ANO2: variants seen among roughly 807,000 people sequenced by gnomAD.
ANO2 encodes the protein anoctamin-2.
Under a neutral mutation model 124.2 loss-of-function variants are expected in ANO2, and 101 were observed. The observed-to-expected ratio is 0.81, with a 90% confidence interval of 0.69 to 0.96. The LOEUF is 0.96. Among genes scored for constraint, ANO2 ranks in the 40% least tolerant of loss-of-function variants. The pLI is 0.00. For missense variants in ANO2, 1,293 were observed against 1,274.5 expected, an observed-to-expected ratio of 1.01 and a Z score of -0.22; for synonymous variants, 486 against 482.5, an observed-to-expected ratio of 1.01 and a Z score of -0.09.
At chr12:5,868,969 C>G (rs1955502697) in intron 3 of ANO2, among the ~76,000 whole-genome samples, 1 of 152,140 alleles carries the variant, frequency 6.6e-6, no homozygotes, top group African/African-American at 2.4e-5. Flanking sequence ...GCAAGGAACT[C>G]CAACTGTGGG....
At chr12:5,734,421 G>T (rs1950770032) in intron 13 of ANO2, among the ~76,000 whole-genome samples, 1 of 152,160 alleles carries the variant, frequency 6.6e-6, no homozygotes, top group Non-Finnish European at 1.5e-5. Context: ...CCAGAACATG[G>T]GTTCTACATC....
At chr12:5,917,021 C>T (rs953083605) in intron 3 of ANO2, among the ~76,000 whole-genome samples, 7 of 152,106 alleles carry the variant, frequency 4.6e-5, no homozygotes, top group Non-Finnish European at 8.8e-5. Flanking sequence ...GGCTGTGTCA[C>T]CTGGAGTAGC....
At chr12:5,572,286 A>G (rs1414174184) in intron 23 of ANO2, among the ~76,000 whole-genome samples, 1 of 152,062 alleles carries the variant, frequency 6.6e-6, no homozygotes, top group African/African-American at 2.4e-5. Flanking sequence ...CGGAACCTCC[A>G]TCACTACCTG....
chr12:5,644,259 C>G (rs1946525239), intron 15 of ANO2, among the ~76,000 whole-genome samples: 1 of 152,218 alleles, frequency 6.6e-6, no homozygotes, highest in Non-Finnish European at 1.5e-5. Context: ...GTCCCAGAAG[C>G]ACTTACTGAG....
chr12:5,719,340 T>C (rs1478300691), intron 14 of ANO2, among the ~76,000 whole-genome samples: 2 of 152,304 alleles, frequency 1.3e-5, no homozygotes, highest in East Asian at 1.9e-4. Flanking sequence ...GAGCTGCCCA[T>C]AACAGTGACT....
chr12:5,833,473 A>C (rs139998534), intron 4 of ANO2, among the ~76,000 whole-genome samples: 1 of 152,222 alleles, frequency 6.6e-6, no homozygotes, highest in Non-Finnish European at 1.5e-5. Flanking sequence ...TCTGCATTGG[A>C]TCTGTGGATG....
In ANO2 at chr12:5,733,756, C is replaced by T. The variant is rs369047979; in HGVS notation, c.1435-1126G>A. 1.6e-4 allele frequency among the ~76,000 whole-genome samples: 25 copies of T among 152,386 alleles called. 1 individual carries two copies. In the East Asian group the frequency reaches 2.9e-3, roughly 18 times the overall value. ...CCTCACCCATTCTCCGAGGGGACGT[C>T]AGTCCCACCCCTTCCAGGAGGACTT... On this transcript the variant is annotated intron_variant, in intron 13 of 24. Transcript: ENST00000682330.
At chr12:5,891,297 A>G (rs1420546020) in intron 3 of ANO2, among the ~76,000 whole-genome samples, 1 of 152,190 alleles carries the variant, frequency 6.6e-6, no homozygotes, top group Non-Finnish European at 1.5e-5. Context: ...ATTCTTTCAC[A>G]TGCTAGACCA....
At chr12:5,792,219 C>T (rs1283025768) in intron 10 of ANO2, among the ~76,000 whole-genome samples, 1 of 152,200 alleles carries the variant, frequency 6.6e-6, no homozygotes, top group Non-Finnish European at 1.5e-5. Context: ...TCTTAACTCA[C>T]TGCTCCTGGT....
In ANO2 at chr12:5,599,580, C is replaced by T; in HGVS notation, c.2137G>A (p.Glu713Lys). Residue 713 changes from glutamate (E) to lysine (K), a missense_variant, in exon 20 of 25, where the codon GAA becomes AAA. By Grantham distance (56) the Glu-to-Lys change is moderately conservative (BLOSUM62 1). Coordinates refer to ENST00000682330, the MANE Select transcript of ANO2 (RefSeq NM_001364791.2). Reference protein sequence around the residue: ...RKLKDETEAGETDSAHSKHPE... With the variant: ...RKLKDETEAGKTDSAHSKHPE... ...TGTTTCGAATGGGCAGAGTCAGTTT[C>T]TCCAGCTTCGGTCTCATCTTTCAGC... 1 of 1,613,938 alleles carries T rather than the reference C, an allele frequency of 6.2e-7. No individual in the cohort carries two copies. Among genetic ancestry groups the T allele is most frequent in the Non-Finnish European group, 8.5e-7 (1 of 1,179,858 alleles).
chr12:5,710,409 C>T (rs1027190967), intron 14 of ANO2, among the ~76,000 whole-genome samples: 2 of 152,200 alleles, frequency 1.3e-5, no homozygotes, highest in African/African-American at 4.8e-5. Flanking sequence ...ATCCCCCACC[C>T]CCACATTTCC....
chr12:5,595,007 G>A (rs1416791117), intron 20 of ANO2, among the ~76,000 whole-genome samples: 1 of 152,148 alleles, frequency 6.6e-6, no homozygotes, highest in Non-Finnish European at 1.5e-5. Flanking sequence ...CTTACAGCTG[G>A]AAACCTCTTC....
chr12:5,744,344 A>G, intron 11 of ANO2, 27 bp from the exon 12 acceptor site: 2 of 1,613,368 alleles, frequency 1.2e-6, no homozygotes, highest in South Asian at 2.2e-5. Context: ...TTGTTGGGTC[A>G]GGTGGAGCTC....
At chr12:5,880,533 A>G (rs376623303) in intron 3 of ANO2, among the ~76,000 whole-genome samples, 1 of 152,100 alleles carries the variant, frequency 6.6e-6, no homozygotes, top group African/African-American at 2.4e-5. Context: ...AAGCCCATAG[A>G]GGCAGAGGAG....
rs1948275881 is a variant in ANO2, at chr12:5,677,001, C to T, written c.1546-29200G>A. 1.3e-5 allele frequency among the ~76,000 whole-genome samples: 2 copies of T among 151,956 alleles called. 1 individual carries two copies. The highest frequency in any genetic ancestry group is 4.2e-4 in the South Asian group (2 of 4,802). ...CCTGGCAGGTGGAGGTTGCAGTAAG[C>T]CAAGATCATATCACTACACTCCAGC... On this transcript the variant is annotated intron_variant, in intron 14 of 24. Coordinates refer to ENST00000682330, the MANE Select transcript of ANO2 (RefSeq NM_001364791.2).
chr12:5,694,877 GCCCTTAGT>G (rs1326535213), intron 14 of ANO2, among the ~76,000 whole-genome samples: 1 of 152,044 alleles, frequency 6.6e-6, no homozygotes, highest in Admixed American at 6.6e-5. Context: ...CCGTTTGTGA[GCCCTTAGT>G]CCCTAACCTC....
chr12:5,917,867 A>C (rs78615940), intron 3 of ANO2, among the ~76,000 whole-genome samples: 23,066 of 152,080 alleles, frequency 0.15, 1,989 homozygotes, highest in Middle Eastern at 0.2. Context: ...CTGCAACCAG[A>C]CCTGTTATTT....
Position 5,635,364 on chromosome 12 carries a change from A to T in ANO2, c.1621-17T>A. On this transcript the variant is annotated splice_polypyrimidine_tract_variant and intron_variant, in intron 15 of 24. Transcript: ENST00000682330. This position sits in a 1 kb window ranked among gnomAD's most constrained non-coding sequence, Gnocchi z 5.2. ...CAGGGCAATCTGTTTGGGAAAACAG[A>T]GAGAAGTACACATCAGCCGGCAATT... 6.5e-7 allele frequency: 1 copy of T among 1,535,270 alleles called. No individual in the cohort carries two copies. Among genetic ancestry groups the T allele is most frequent in the East Asian group, 2.3e-5 (1 of 43,268 alleles).
At chr12:5,609,341 G>A (rs550499383) in intron 19 of ANO2, among the ~76,000 whole-genome samples, 14 of 152,114 alleles carry the variant, frequency 9.2e-5, no homozygotes, top group African/African-American at 2.6e-4. Context: ...CAATGATCCC[G>A]CCAATCCTCC....
Sources: allele counts gnomAD v4.1 joint callset (sites outside exome capture counted in the v4.1 genomes callset), GRCh38; gene constraint gnomAD v4.1.1; non-coding constraint Gnocchi (gnomAD v3.1); transcripts MANE v1.5; gene names NCBI Gene and HGNC (gene_info 2026-07-23, HGNC 2026-07-21).